The following CSMD1 variants were observed in gnomAD, a reference collection of about 807,000 sequenced individuals.
CSMD1 encodes CUB and sushi domain-containing protein 1.
Under a neutral mutation model 417.5 loss-of-function variants are expected in CSMD1, and 213 were observed. The observed-to-expected ratio is 0.51, with a 90% CI of 0.46 to 0.57. CSMD1 has a LOEUF of 0.57. Ranked by LOEUF, CSMD1 falls within the 20% of genes least tolerant of loss-of-function variation. The probability of loss-of-function intolerance (pLI) is 0.00; values close to 1 mark genes in which losing one functional copy is unlikely to be tolerated. For missense variants in CSMD1, 6,923 were observed against 4,529.7 expected (o/e 1.53, Z -15.17); for synonymous variants, 2,862 against 1,736.8 (o/e 1.65, Z -16.11).
At chr8:3,631,284 G>A (rs1796770921) in intron 7 of CSMD1, among the ~76,000 whole-genome samples, 1 of 152,174 alleles carries the variant, frequency 6.6e-6, no homozygotes, top group Admixed American at 6.5e-5. Flanking sequence ...CTATCATGTA[G>A]GCCCATGGTA....
intron 18 of CSMD1, among the ~76,000 whole-genome samples, chr8:3,370,449 T>C (rs907804627): frequency 3.9e-5 from 6 of 152,142 alleles, no homozygotes; most frequent in Non-Finnish European, 7.4e-5. Flanking sequence ...CCAGCTCAGA[T>C]CTCGAGACCA....
Position 2,960,600 on chromosome 8 carries a change from G to T in CSMD1, c.9702+541C>A, listed in dbSNP as rs1160764732. 2.0e-5 allele frequency among the ~76,000 whole-genome samples: 3 copies of T among 152,110 alleles called. No individual in the cohort carries two copies. The South Asian group carries it at 6.2e-4, about 32-fold the overall frequency. ...TCATTTTATTAAAAGTCAAATGAAC[G>T]TTCCAAAATGATATTTAGTACGCTA... On this transcript the variant is annotated intron_variant, in intron 62 of 69. Transcript: ENST00000635120.
At chr8:3,837,044 T>G (rs868326955) in intron 5 of CSMD1, among the ~76,000 whole-genome samples, 3 of 151,960 alleles carry the variant, frequency 2.0e-5, no homozygotes, top group African/African-American at 7.3e-5. Flanking sequence ...GCTGGGTCAA[T>G]TGATGCCCAT....
At chr8:4,646,845 T>G (rs1003137966) in intron 1 of CSMD1, among the ~76,000 whole-genome samples, 13 of 152,194 alleles carry the variant, frequency 8.5e-5, no homozygotes, top group Non-Finnish European at 1.5e-4. Context: ...GAGGGTTTTT[T>G]GTTATGAAAA....
intron 41 of CSMD1, among the ~76,000 whole-genome samples, chr8:3,133,524 G>T (rs894995314): frequency 6.6e-6 from 1 of 152,194 alleles, no homozygotes; most frequent in South Asian, 2.1e-4. Flanking sequence ...GAAGGCTCAC[G>T]TGGACACCGG....
At chr8:4,120,211 A>G (rs1802403584) in intron 3 of CSMD1, among the ~76,000 whole-genome samples, 1 of 152,166 alleles carries the variant, frequency 6.6e-6, no homozygotes, top group African/African-American at 2.4e-5. Flanking sequence ...ATTTAAAATA[A>G]AAAAAATTAA....
At chr8:4,638,568 C>G (rs1202435900) in intron 1 of CSMD1, among the ~76,000 whole-genome samples, 1 of 152,076 alleles carries the variant, frequency 6.6e-6, no homozygotes, top group Non-Finnish European at 1.5e-5. Flanking sequence ...GGAGGTGGAG[C>G]AGAAAGGAAG....
intron 2 of CSMD1, among the ~76,000 whole-genome samples, chr8:4,447,921 G>A (rs563398235): frequency 2.0e-5 from 3 of 151,544 alleles, no homozygotes; most frequent in Admixed American, 6.6e-5. Flanking sequence ...CGGAAATGAC[G>A]ACAATTACCA....
At chr8:3,249,541 TA>T (rs1800119943) in intron 26 of CSMD1, among the ~76,000 whole-genome samples, 2 of 151,866 alleles carry the variant, frequency 1.3e-5, no homozygotes, top group Non-Finnish European at 2.9e-5. Flanking sequence ...TTTAAGAAAA[TA>T]AAAGCAAGTA....
intron 10 of CSMD1, among the ~76,000 whole-genome samples, chr8:3,545,222 A>G (rs1798608570): frequency 6.6e-6 from 1 of 152,190 alleles, no homozygotes; most frequent in East Asian, 1.9e-4. Flanking sequence ...GTGTCTGTCT[A>G]TATGTGTATA....
chr8:3,543,899 G>T (rs1798546591), intron 10 of CSMD1, among the ~76,000 whole-genome samples: 1 of 152,138 alleles, frequency 6.6e-6, no homozygotes, highest in Non-Finnish European at 1.5e-5. Flanking sequence ...ATGAGGATGT[G>T]GAGGACCCTG....
At chr8:4,064,730 T>C (rs1162775461) in intron 3 of CSMD1, among the ~76,000 whole-genome samples, 1 of 152,192 alleles carries the variant, frequency 6.6e-6, no homozygotes, top group Non-Finnish European at 1.5e-5. Flanking sequence ...TACTCAACCT[T>C]CACAACCGAG....
intron 5 of CSMD1, among the ~76,000 whole-genome samples, chr8:3,792,182 T>C (rs1395414944): frequency 1.3e-5 from 2 of 151,930 alleles, no homozygotes; most frequent in East Asian, 3.9e-4. Context: ...TAGTCCCAGC[T>C]ACAGGGGAGG....
At position 3,754,035 on chromosome 8, in the gene CSMD1, C is replaced by T. The variant is rs1797516736; in HGVS notation, c.826G>A (p.Gly276Ser). Residue 276 changes from glycine (G) to serine (S), a missense_variant, in exon 6 of 70, where the codon GGC becomes AGC. Transcript: ENST00000635120. ...GTEAPSIWLT[G>S]MNLPSPVISS... ...ATAACTGGAGAGGGGAGGTTCATGC[C>T]AGTTAGCCTAGAGAAGAGAAAGAGG... 6.2e-7 allele frequency: 1 copy of T among 1,611,038 alleles called. No homozygotes were observed.
chr8:4,993,078 C>G (rs776697976), intron 1 of CSMD1, among the ~76,000 whole-genome samples: 10 of 152,134 alleles, frequency 6.6e-5, no homozygotes, highest in Non-Finnish European at 1.3e-4. Context: ...TACAGTCCTC[C>G]TTCGCCCTGC....
intron 5 of CSMD1, among the ~76,000 whole-genome samples, chr8:3,756,337 A>T (rs1172504630): frequency 7.3e-6 from 1 of 136,590 alleles, no homozygotes; most frequent in East Asian, 2.0e-4. Flanking sequence ...TGGGCAACAC[A>T]CTGAGACTCC....
At chr8:4,871,942 C>A (rs547816059) in intron 1 of CSMD1, among the ~76,000 whole-genome samples, 22 of 152,206 alleles carry the variant, frequency 1.4e-4, no homozygotes, top group African/African-American at 5.3e-4. Context: ...CCCACTATCT[C>A]TATGGTCTGG....
At chr8:4,710,938 C>A (rs569064504) in intron 1 of CSMD1, among the ~76,000 whole-genome samples, 1 of 151,984 alleles carries the variant, frequency 6.6e-6, no homozygotes, top group Admixed American at 6.5e-5. Context: ...ATAAAAGGAC[C>A]ATGCCCTATC....
At chr8:3,302,413 C>T (rs1328808696) in intron 25 of CSMD1, among the ~76,000 whole-genome samples, 1 of 152,166 alleles carries the variant, frequency 6.6e-6, no homozygotes, top group Non-Finnish European at 1.5e-5. Context: ...GGTCTCTCCG[C>T]ACAGCAGTGG....
Sources: gnomAD v4.1 joint callset for allele counts (sites outside exome capture counted in the v4.1 genomes callset) on GRCh38, gnomAD v4.1.1 for gene constraint, MANE v1.5 for transcripts, NCBI Gene and HGNC (gene_info 2026-07-23, HGNC 2026-07-21) for gene names.